The following CPLX2 variants were observed in gnomAD, a reference collection of about 807,000 sequenced individuals.
CPLX2 encodes complexin-2.
Under a neutral mutation model 16.3 loss-of-function variants are expected in CPLX2, and 5 were observed. The observed-to-expected ratio is 0.31, with a 90% CI of 0.16 to 0.64. The LOEUF is 0.64. CPLX2 is among the 30% of genes least tolerant of loss of function. The pLI, the probability that CPLX2 is intolerant of heterozygous loss-of-function variation, is 0.79. For synonymous variants in CPLX2, 89 were observed against 73.2 expected, an observed-to-expected ratio of 1.22 and a Z score of -1.10; for missense variants, 144 against 181.4, an observed-to-expected ratio of 0.79 and a Z score of 1.18.
chr5:175,827,201 T>C (rs942753537), intron 2 of CPLX2, among the ~76,000 whole-genome samples: 4 of 152,182 alleles, frequency 2.6e-5, no homozygotes, highest in African/African-American at 9.7e-5. Context: ...ACTACACTGA[T>C]TGGCCTAAAC....
chr5:175,834,131 A>G (rs1346587666), intron 2 of CPLX2, among the ~76,000 whole-genome samples: 1 of 152,216 alleles, frequency 6.6e-6, no homozygotes, highest in East Asian at 1.9e-4. Context: ...CTGCCTCTGG[A>G]TGCCAGCTCT....
chr5:175,874,727 G>C (rs1181964007), intron 1 of CPLX2, among the ~76,000 whole-genome samples: 1 of 152,076 alleles, frequency 6.6e-6, no homozygotes, highest in East Asian at 1.9e-4. Context: ...AGGGGAGGCA[G>C]AGAGAGGGAG....
chr5:175,853,910 G>A (rs1467295240), intron 2 of CPLX2, among the ~76,000 whole-genome samples: 2 of 152,152 alleles, frequency 1.3e-5, no homozygotes, highest in East Asian at 3.9e-4. Context: ...CAGATGAAGA[G>A]CTTACAGCAC....
rs560165848 is a variant in CPLX2, at chr5:175,840,059, A to G, written c.-89+30991A>G. ...GTGACAGGTCGTTCTTACCACTCAG[A>G]AAGGCCAAATTTATCCATTTCTTTT... On this transcript the variant is annotated intron_variant, in intron 2 of 4. Coordinates refer to the CPLX2 transcript ENST00000359546. Among the ~76,000 whole-genome samples the G allele has an allele frequency of 1.2e-4, 18 of 152,374 alleles. No homozygotes were observed. In the South Asian group the frequency reaches 1.2e-3, roughly 11 times the overall value.
rs5873514 is a variant in CPLX2 at position 175,806,664 on chromosome 5, AT to A, written c.-168-2311del. ...TGTCACCACGCCCGGTTAATTTTGTATTTTTTTTTTTTTTAGTAGAGATGGG... is the reference window on the plus strand; with the variant it reads ...TGTCACCACGCCCGGTTAATTTTGTATTTTTTTTTTTTTAGTAGAGATGGG... On this transcript the variant is annotated intron_variant, in intron 1 of 4. Transcript: ENST00000359546. Among the ~76,000 whole-genome samples, 214 of 143,006 alleles carry A rather than the reference AT, an allele frequency of 1.5e-3. 2 individuals carry two copies. The highest frequency in any genetic ancestry group is 1.8e-3 in the Non-Finnish European group (116 of 65,894). The allele number at this position is 143,006 out of a possible 152,430, so 93.8% of individuals were successfully genotyped here.
chr5:175,827,993 G>C (rs911485922), intron 2 of CPLX2, among the ~76,000 whole-genome samples: 1 of 152,150 alleles, frequency 6.6e-6, no homozygotes, highest in Non-Finnish European at 1.5e-5. Flanking sequence ...ATTTAGTAGA[G>C]TCAGACTTAC....
At chr5:175,814,996 C>T (rs1290998856) in intron 2 of CPLX2, among the ~76,000 whole-genome samples, 1 of 152,184 alleles carries the variant, frequency 6.6e-6, no homozygotes, top group African/African-American at 2.4e-5. Flanking sequence ...CAAGGAAAAT[C>T]AAAGGGCTGT....
At chr5:175,800,566 C>T (rs1442870852) in intron 1 of CPLX2, among the ~76,000 whole-genome samples, 1 of 152,066 alleles carries the variant, frequency 6.6e-6, no homozygotes, top group African/African-American at 2.4e-5. Context: ...TAGGGCATCC[C>T]AGCTTGTGAA....
intron 2 of CPLX2, among the ~76,000 whole-genome samples, chr5:175,811,575 G>A (rs954875256): frequency 6.6e-6 from 1 of 152,054 alleles, no homozygotes; most frequent in African/African-American, 2.4e-5. Context: ...AGTTGACTTG[G>A]CTTGAATTGA....
chr5:175,870,205 A>G (rs1198192204), upstream of CPLX2, among the ~76,000 whole-genome samples: 1 of 152,194 alleles, frequency 6.6e-6, no homozygotes, highest in African/African-American at 2.4e-5. Flanking sequence ...TCAGCCCTAA[A>G]GGAGGGGCCT....
At chr5:175,818,402 C>G (rs1758446731) in intron 2 of CPLX2, among the ~76,000 whole-genome samples, 1 of 152,124 alleles carries the variant, frequency 6.6e-6, no homozygotes, top group Non-Finnish European at 1.5e-5. Context: ...AGACCCTGTC[C>G]CAGGCTAGGA....
At chr5:175,846,327 G>A (rs1759043702) in intron 2 of CPLX2, among the ~76,000 whole-genome samples, 1 of 152,034 alleles carries the variant, frequency 6.6e-6, no homozygotes, top group South Asian at 2.1e-4. Flanking sequence ...CAAGAGGGCT[G>A]CGTGGAGAGT....
At chr5:175,869,226 G>A (rs1759534450), upstream of CPLX2, among the ~76,000 whole-genome samples, 1 of 152,176 alleles carries the variant, frequency 6.6e-6, no homozygotes, top group African/African-American at 2.4e-5. Flanking sequence ...CCAAAACTTG[G>A]CTGAGCTGCC....
At chr5:175,879,811 C>A (rs767678717) in intron 3 of CPLX2, 37 bp from the exon 4 acceptor site, 2 of 1,579,864 alleles carry the variant, frequency 1.3e-6, no homozygotes, top group African/African-American at 1.3e-5. Flanking sequence ...CCTTGCCCAC[C>A]CCGCTTCATG....
chr5:175,801,893 T>C (rs927261408), intron 1 of CPLX2, among the ~76,000 whole-genome samples: 12 of 152,282 alleles, frequency 7.9e-5, no homozygotes, highest in African/African-American at 2.9e-4. Flanking sequence ...TGAAGACTTT[T>C]AAGCAGGGGG....
chr5:175,818,458 G>GA (rs758873761), intron 2 of CPLX2, among the ~76,000 whole-genome samples: 12 of 150,750 alleles, frequency 8.0e-5, no homozygotes, highest in East Asian at 3.9e-4. Flanking sequence ...GTTTTTTCAG[G>GA]AAAAAAAAAT....
upstream of CPLX2, among the ~76,000 whole-genome samples, chr5:175,868,275 T>A (rs1049052458): frequency 7.9e-5 from 12 of 152,218 alleles, no homozygotes; most frequent in Non-Finnish European, 1.5e-5. Flanking sequence ...GACAGGCACC[T>A]TACGCAAGCT....
chr5:175,856,954 G>A (rs1033612484), intron 2 of CPLX2, among the ~76,000 whole-genome samples: 14 of 152,272 alleles, frequency 9.2e-5, no homozygotes, highest in Admixed American at 3.9e-4. Flanking sequence ...ATGGCAATTC[G>A]CTAAGGAAAC....
At chr5:175,820,932 C>T (rs910441757) in intron 2 of CPLX2, among the ~76,000 whole-genome samples, 2 of 152,152 alleles carry the variant, frequency 1.3e-5, no homozygotes, top group Non-Finnish European at 2.9e-5. Flanking sequence ...GCCGCTCGGT[C>T]CCAGAGCAGA....
Sources: allele counts gnomAD v4.1 joint callset (sites outside exome capture counted in the v4.1 genomes callset), GRCh38; gene constraint gnomAD v4.1.1; transcripts MANE v1.5; gene names NCBI Gene and HGNC (gene_info 2026-07-23, HGNC 2026-07-21).